NEK6: variants seen among roughly 807,000 people sequenced by gnomAD.
NEK6 encodes NIMA related kinase 6, also known as serine/threonine-protein kinase Nek6.
In NEK6, 27 loss-of-function variants were observed where a neutral mutation model predicts 43.5. The observed-to-expected ratio is 0.62, with a 90% CI of 0.46 to 0.86. NEK6 has a LOEUF of 0.86. NEK6 is among the 40% of genes least tolerant of loss of function. NEK6 has a pLI of 0.00. For missense variants in NEK6, 318 were observed against 414.4 expected (o/e 0.77, Z 2.02); for synonymous variants, 167 against 164.1 (o/e 1.02, Z -0.14).
chr9:124,350,504 A>AG (rs1349958940), intron 9 of NEK6, among the ~76,000 whole-genome samples: 20 of 160 alleles, frequency 0.12, no homozygotes, highest in African/African-American at 0.23. Flanking sequence ...GACAGCAGAC[A>AG]CACACACACA....
intron 1 of NEK6, chr9:124,292,130 C>A (rs1832450622): frequency 8.6e-7 from 1 of 1,159,954 alleles, no homozygotes; most frequent in South Asian, 2.2e-5. Context: ...GAACCGCTTG[C>A]TCTTAGGGGT....
chr9:124,325,962 A>G (rs1834312137), intron 5 of NEK6, among the ~76,000 whole-genome samples: 1 of 152,166 alleles, frequency 6.6e-6, no homozygotes, highest in Admixed American at 6.5e-5. Flanking sequence ...TCAGTCTTGC[A>G]AGGAGTGCCC....
chr9:124,330,102 AAC>A (rs1206540429), intron 7 of NEK6, among the ~76,000 whole-genome samples: 4 of 152,102 alleles, frequency 2.6e-5, no homozygotes, highest in Non-Finnish European at 4.4e-5. Context: ...TGTATTTGCT[AAC>A]ACGAGGCTGG....
In NEK6 at chr9:124,305,238, A is replaced by C. The variant is rs566309456; in HGVS notation, c.90+3184A>C. 1.4e-4 allele frequency among the ~76,000 whole-genome samples: 21 copies of C among 152,312 alleles called. No homozygotes were observed. In the South Asian group the frequency reaches 4.4e-3, roughly 32 times the overall value. ...GATGCTAGTTGGTTAAGGTTTAATG[A>C]CCAAATATCAATGGCTATTAAAATT... On this transcript the variant is annotated intron_variant, in intron 2 of 9. Coordinates refer to ENST00000320246, the MANE Select transcript of NEK6 (RefSeq NM_014397.6).
At chr9:124,269,876 C>G (rs1348477604) in intron 1 of NEK6, among the ~76,000 whole-genome samples, 1 of 152,156 alleles carries the variant, frequency 6.6e-6, no homozygotes, top group African/African-American at 2.4e-5. Context: ...GCCCCTGAGC[C>G]TTTGCCTCAG....
intron 1 of NEK6, among the ~76,000 whole-genome samples, chr9:124,296,584 G>A (rs150134438): frequency 5.3e-5 from 8 of 152,308 alleles, no homozygotes; most frequent in African/African-American, 1.4e-4. Context: ...GACACACACC[G>A]TTACCACCTC....
intron 1 of NEK6, among the ~76,000 whole-genome samples, chr9:124,280,853 C>T (rs1346881393): frequency 1.3e-5 from 2 of 151,920 alleles, no homozygotes; most frequent in South Asian, 2.1e-4. Flanking sequence ...AGGGTAGTGT[C>T]GTGATCTCGG....
intron 2 of NEK6, among the ~76,000 whole-genome samples, chr9:124,305,565 A>AG (rs958115071): frequency 2.0e-5 from 3 of 151,512 alleles, no homozygotes; most frequent in South Asian, 2.1e-4. Flanking sequence ...AAAAAAAAAA[A>AG]AAAAGAAAAA....
chr9:124,348,844 T>C (rs1274278560), intron 9 of NEK6, among the ~76,000 whole-genome samples: 2 of 152,236 alleles, frequency 1.3e-5, no homozygotes, highest in Non-Finnish European at 2.9e-5. Context: ...CTGAGTTGAA[T>C]CTTCCCCTCA....
chr9:124,272,616 A>C (rs529325702), intron 1 of NEK6, among the ~76,000 whole-genome samples: 70 of 152,328 alleles, frequency 4.6e-4, no homozygotes, highest in Admixed American at 1.2e-3. Flanking sequence ...TCTTTGAGAA[A>C]TCAGTTTTTC....
At chr9:124,267,859 C>A (rs1260633508) in intron 1 of NEK6, among the ~76,000 whole-genome samples, 1 of 152,228 alleles carries the variant, frequency 6.6e-6, no homozygotes, top group Non-Finnish European at 1.5e-5. Flanking sequence ...GAGCTAACAC[C>A]TTTCACTCGC....
chr9:124,289,953 C>G (rs796926239), intron 1 of NEK6, among the ~76,000 whole-genome samples: 17 of 152,334 alleles, frequency 1.1e-4, no homozygotes, highest in African/African-American at 4.1e-4. Context: ...ACAAGCCACT[C>G]CTGCGGAGCT....
At chr9:124,322,207 C>G (rs1350635743) in intron 5 of NEK6, among the ~76,000 whole-genome samples, 1 of 152,152 alleles carries the variant, frequency 6.6e-6, no homozygotes, top group Non-Finnish European at 1.5e-5. Context: ...AGAGGGGGAA[C>G]TTCATTTCCA....
intron 1 of NEK6, among the ~76,000 whole-genome samples, chr9:124,301,386 A>G (rs998329337): frequency 1.3e-5 from 2 of 152,198 alleles, no homozygotes; most frequent in African/African-American, 4.8e-5. Flanking sequence ...TAGGACGGCA[A>G]ACAGGACCTC....
At chr9:124,331,464 A>G (rs12349571) in intron 7 of NEK6, among the ~76,000 whole-genome samples, 93,638 of 151,674 alleles carry the variant, frequency 0.62, 29,165 homozygotes, top group East Asian at 0.8. Flanking sequence ...GCATCAGCCT[A>G]CAGCATGGCC....
Position 124,302,046 on chromosome 9 carries a change from G to C in NEK6, c.82G>C (p.Asp28His). 6.2e-7 allele frequency: 1 copy of C among 1,601,958 alleles called. No individual in the cohort carries two copies. The highest frequency in any genetic ancestry group is 8.5e-7 in the Non-Finnish European group (1 of 1,173,694). ...CACCCTGGGGCCTGTGCATCCTCCT[G>C]ACCCACAGGTAAGCCCCTTACCTTT... ...CHTLGPVHPP[D>H]PQRHPNTLSF... The change falls in exon 2 of 10, where the codon GAC becomes CAC. Residue 28 changes from aspartate to histidine, a missense_variant. Physicochemically the swap from Asp to His is moderately conservative, Grantham distance 81. Around this residue, in one of 2 missense-constraint regions of NEK6, gnomAD observed 239 missense variants for 344.4 expected, o/e 0.69. Transcript: ENST00000320246.
At chr9:124,274,146 C>A (rs1011886323) in intron 1 of NEK6, among the ~76,000 whole-genome samples, 5 of 152,230 alleles carry the variant, frequency 3.3e-5, no homozygotes, top group African/African-American at 1.2e-4. Context: ...AAAACTCTTA[C>A]AAATGGATGC....
intron 5 of NEK6, 134 bp downstream of exon 5, chr9:124,321,703 C>T: frequency 1.6e-6 from 1 of 619,370 alleles, no homozygotes; most frequent in East Asian, 2.8e-5. Flanking sequence ...TGGGCGCCCC[C>T]CTGCAGATGC....
intron 1 of NEK6, among the ~76,000 whole-genome samples, chr9:124,296,543 G>A (rs1832697696): frequency 6.6e-6 from 1 of 152,202 alleles, no homozygotes. Context: ...GCCTGTGCAC[G>A]TGCACACACA....
Sources: allele counts gnomAD v4.1 joint callset (sites outside exome capture counted in the v4.1 genomes callset), GRCh38; gene constraint gnomAD v4.1.1; regional missense constraint gnomAD v4.1.1; transcripts MANE v1.5; gene names NCBI Gene and HGNC (gene_info 2026-07-23, HGNC 2026-07-21).